Variants in NRXN3 observed in about 807,000 individuals in gnomAD.
NRXN3 encodes the protein neurexin III.
NRXN3 carries 32 observed loss-of-function variants against 137.6 expected under a neutral mutation model. The observed-to-expected ratio is 0.23, with a 90% confidence interval of 0.18 to 0.31. The LOEUF (loss-of-function observed/expected upper bound fraction) is 0.31, where lower values mean the gene tolerates loss of function less well. Among genes scored for constraint, NRXN3 ranks in the 10% least tolerant of loss-of-function variants. NRXN3 has a pLI of 1.00. For missense variants in NRXN3, 1,574 were observed against 2,062.5 expected, an observed-to-expected ratio of 0.76 and a Z score of 4.59; for synonymous variants, 798 against 784.5, an observed-to-expected ratio of 1.02 and a Z score of -0.29.
intron 2 of NRXN3, among the ~76,000 whole-genome samples, chr14:78,262,128 G>A (rs1054382270): frequency 1.3e-5 from 2 of 152,214 alleles, no homozygotes; most frequent in Non-Finnish European, 2.9e-5. Flanking sequence ...GCCAGGCAGC[G>A]GGGCTGTATG....
At chr14:79,679,080 T>C (rs1427038708) in intron 17 of NRXN3, among the ~76,000 whole-genome samples, 1 of 152,116 alleles carries the variant, frequency 6.6e-6, no homozygotes, top group Non-Finnish European at 1.5e-5. Context: ...ACATCTTTTA[T>C]TATTAGGGTT....
At chr14:78,426,567 T>A (rs530875873) in intron 4 of NRXN3, among the ~76,000 whole-genome samples, 15 of 152,310 alleles carry the variant, frequency 9.8e-5, no homozygotes, top group African/African-American at 3.4e-4. Context: ...CCCTGGGTGT[T>A]TTTTATGGCA....
intron 8 of NRXN3, among the ~76,000 whole-genome samples, chr14:78,749,077 A>C (rs1209834723): frequency 6.6e-6 from 1 of 152,176 alleles, no homozygotes; most frequent in Non-Finnish European, 1.5e-5. Flanking sequence ...CCACATTCTG[A>C]TGATTTCTCT....
At chr14:78,587,195 G>C (rs1189925920) in intron 4 of NRXN3, among the ~76,000 whole-genome samples, 1 of 152,224 alleles carries the variant, frequency 6.6e-6, no homozygotes, top group Non-Finnish European at 1.5e-5. Context: ...CTTTGGGAAT[G>C]TCATAAAAGA....
intron 1 of NRXN3, among the ~76,000 whole-genome samples, chr14:78,232,542 T>C (rs1257037423): frequency 6.6e-6 from 1 of 152,198 alleles, no homozygotes; most frequent in Non-Finnish European, 1.5e-5. Flanking sequence ...CTGGATAAGA[T>C]TGTCCTCTAG....
At position 79,189,363 on chromosome 14, in the gene NRXN3, A is replaced by T. The variant is rs1216316411; in HGVS notation, c.3262+201222A>T. Among the ~76,000 whole-genome samples, 4 of 130,848 alleles carry T rather than the reference A, an allele frequency of 3.1e-5. No homozygotes were observed. In the East Asian group the frequency reaches 7.4e-4, roughly 24 times the overall value. The allele number at this position is 130,848 out of a possible 152,430, so 85.8% of individuals were successfully genotyped here. A position where few individuals can be genotyped will look rare whatever the true frequency, so the allele number is the denominator to read the frequency against. On this transcript the variant is annotated intron_variant, in intron 15 of 20. Transcript: ENST00000335750. ...GAGAACACATGAACACAGGAAGGGG[A>T]ACATCACACTCTGGGGACTGTTGTG...
At chr14:78,805,213 C>T (rs1214898918) in intron 9 of NRXN3, among the ~76,000 whole-genome samples, 2 of 151,380 alleles carry the variant, frequency 1.3e-5, no homozygotes, top group African/African-American at 4.9e-5. Flanking sequence ...TGCTCTTTTT[C>T]TTGTCCAACT....
At chr14:79,337,439 A>G (rs1020025607) in intron 15 of NRXN3, among the ~76,000 whole-genome samples, 1 of 152,202 alleles carries the variant, frequency 6.6e-6, no homozygotes, top group Non-Finnish European at 1.5e-5. Context: ...CAGATGCAGG[A>G]GCTGGTATAT....
At chr14:79,565,312 C>T (rs531069848) in intron 16 of NRXN3, among the ~76,000 whole-genome samples, 2 of 126,422 alleles carry the variant, frequency 1.6e-5, no homozygotes, top group Admixed American at 1.6e-4. Context: ...TACATATACA[C>T]ACACATGTGT....
chr14:79,519,796 G>A (rs1222320273), intron 16 of NRXN3, among the ~76,000 whole-genome samples: 4 of 92,648 alleles, frequency 4.3e-5, no homozygotes, highest in Admixed American at 1.1e-4. Flanking sequence ...TGAAAAAGTT[G>A]CAGTTTTCTT....
chr14:79,851,398 T>C (rs1262545769), intron 20 of NRXN3, among the ~76,000 whole-genome samples: 1 of 152,118 alleles, frequency 6.6e-6, no homozygotes, highest in Non-Finnish European at 1.5e-5. Context: ...TTCCAGCTGC[T>C]CTTTGTGAAG....
At chr14:79,284,989 T>C (rs1038949339) in intron 15 of NRXN3, among the ~76,000 whole-genome samples, 1 of 152,184 alleles carries the variant, frequency 6.6e-6, no homozygotes, top group Non-Finnish European at 1.5e-5. Flanking sequence ...CTAGATGCGT[T>C]GTTTTTCTTC....
At chr14:79,168,369 C>A (rs1266680192) in intron 15 of NRXN3, among the ~76,000 whole-genome samples, 1 of 151,910 alleles carries the variant, frequency 6.6e-6, no homozygotes, top group Non-Finnish European at 1.5e-5. Flanking sequence ...CATATTAGAT[C>A]TCAATAGAAA....
intron 15 of NRXN3, among the ~76,000 whole-genome samples, chr14:79,307,786 CTCTT>C (rs1284391355): frequency 2.0e-5 from 3 of 152,010 alleles, no homozygotes; most frequent in Non-Finnish European, 2.9e-5. Context: ...CTCTCTTTCT[CTCTT>C]TCTTTATTTT....
At chr14:79,384,395 T>C (rs1349462309) in intron 15 of NRXN3, among the ~76,000 whole-genome samples, 1 of 152,180 alleles carries the variant, frequency 6.6e-6, no homozygotes, top group African/African-American at 2.4e-5. Context: ...GACTTGAGAA[T>C]GAGTTTTTTT....
At chr14:79,430,330 A>G (rs887305349) in intron 15 of NRXN3, among the ~76,000 whole-genome samples, 17 of 152,198 alleles carry the variant, frequency 1.1e-4, no homozygotes, top group Non-Finnish European at 1.5e-5. Context: ...CTCAAACGTG[A>G]TGAGTGATAG....
Position 79,694,395 on chromosome 14 carries a change from A to G in NRXN3, c.3706+2133A>G, listed in dbSNP as rs996407022. ...ATGAGGTAATAATTAATGACTTCCA[A>G]GAGGATGGGTATCTAAAACAAAAAG... On this transcript the variant is annotated intron_variant, in intron 18 of 20. Coordinates refer to ENST00000335750, the MANE Select transcript of NRXN3 (RefSeq NM_001330195.2). 7.9e-5 allele frequency among the ~76,000 whole-genome samples: 12 copies of G among 152,130 alleles called. No individual in the cohort carries two copies. In the East Asian group the frequency reaches 1.4e-3, roughly 17 times the overall value.
At chr14:78,773,182 C>A (rs924859071) in intron 8 of NRXN3, among the ~76,000 whole-genome samples, 2 of 152,162 alleles carry the variant, frequency 1.3e-5, no homozygotes, top group Admixed American at 1.3e-4. Flanking sequence ...TTCTCTAATT[C>A]TGGATGCTTT....
At chr14:78,929,700 G>A (rs945214218) in intron 10 of NRXN3, among the ~76,000 whole-genome samples, 1 of 152,106 alleles carries the variant, frequency 6.6e-6, no homozygotes, top group African/African-American at 2.4e-5. Context: ...ATTCCTTTGG[G>A]TATATATCCA....
Sources: gnomAD v4.1 joint callset for allele counts (sites outside exome capture counted in the v4.1 genomes callset) on GRCh38, gnomAD v4.1.1 for gene constraint, MANE v1.5 for transcripts, NCBI Gene and HGNC (gene_info 2026-07-23, HGNC 2026-07-21) for gene names.